The following CXADR variants were observed in gnomAD, a reference collection of about 807,000 sequenced individuals.
CXADR encodes the protein coxsackievirus and adenovirus receptor.
In CXADR, 20 loss-of-function variants were observed where a neutral mutation model predicts 40.3. That is an observed-to-expected ratio of 0.50 (90% CI 0.35 to 0.72). The LOEUF is 0.72. CXADR is among the 30% of genes least tolerant of loss of function. The probability of loss-of-function intolerance (pLI) is 0.01; values close to 1 mark genes in which losing one functional copy is unlikely to be tolerated. For missense variants in CXADR, 332 were observed against 449.1 expected, an observed-to-expected ratio of 0.74 and a Z score of 2.36; for synonymous variants, 150 against 161.3, an observed-to-expected ratio of 0.93 and a Z score of 0.53.
downstream of CXADR, chr21:17,594,164 A>T: frequency 6.2e-7 from 1 of 1,613,250 alleles, no homozygotes; most frequent in Non-Finnish European, 8.5e-7. Flanking sequence ...GGAGGTACCC[A>T]TGTCACTGGA....
At chr21:17,619,514 G>T in the CXADR span, among the ~76,000 whole-genome samples, 1 of 152,038 alleles carries the variant, frequency 6.6e-6, no homozygotes, top group Non-Finnish European at 1.5e-5. Flanking sequence ...GCTTGAGCCT[G>T]GGAGGCAGAG....
At chr21:17,614,448 T>G in the CXADR span, among the ~76,000 whole-genome samples, 2 of 152,172 alleles carry the variant, frequency 1.3e-5, no homozygotes, top group Admixed American at 6.5e-5. Flanking sequence ...AAAATGACTT[T>G]TAAAAAATTC....
At chr21:17,607,626 A>ATAGTGCTGTACTTGCAAGAGCC in the CXADR span, among the ~76,000 whole-genome samples, 176 of 152,376 alleles carry the variant, frequency 1.2e-3, no homozygotes, top group African/African-American at 4.0e-3. Flanking sequence ...GACTCCTTGA[A>ATAGTGCTGTACTTGCAAGAGCC]TAGTGCTGTA....
At chr21:17,560,577 C>T in intron 4 of CXADR, 125 bp from the exon 5 acceptor site, 1 of 847,466 alleles carries the variant, frequency 1.2e-6, no homozygotes, top group Middle Eastern at 3.9e-4. Flanking sequence ...AGTTTGCTTG[C>T]ATCCAGCCTT....
chr21:17,630,911 T>G, the CXADR span, among the ~76,000 whole-genome samples: 2 of 151,976 alleles, frequency 1.3e-5, no homozygotes, highest in Admixed American at 1.3e-4. Context: ...AGGAAGGAAG[T>G]GCAGAATTCG....
Position 17,568,103 on chromosome 21 carries a change from T to C in CXADR, c.*2411T>C. 1 of 911,582 alleles carries C rather than the reference T, an allele frequency of 1.1e-6. No individual in the cohort carries two copies. Among genetic ancestry groups the C allele is most frequent in the Non-Finnish European group, 1.3e-6 (1 of 765,310 alleles). The allele number at this position is 911,582 out of a possible 1,614,324, so 56.5% of individuals were successfully genotyped here. A position where few individuals can be genotyped will look rare whatever the true frequency, so the allele number is the denominator to read the frequency against. Reference sequence around the variant, plus strand: ...AAATTACTAAAGCATTTCCGTTAGATCAGTCAAGGACAGTACTGCATCTTT... The same window carrying C: ...AAATTACTAAAGCATTTCCGTTAGACCAGTCAAGGACAGTACTGCATCTTT... On this transcript the variant is annotated 3_prime_UTR_variant, in exon 7 of 7. Coordinates refer to ENST00000284878, the MANE Select transcript of CXADR (RefSeq NM_001338.5).
chr21:17,611,399 T>TA, the CXADR span, among the ~76,000 whole-genome samples: 6 of 152,068 alleles, frequency 3.9e-5, no homozygotes, highest in Admixed American at 2.0e-4. Flanking sequence ...CTGCTTCATA[T>TA]AAAAAAATAG....
At chr21:17,560,230 C>T (rs1025567666) in intron 4 of CXADR, among the ~76,000 whole-genome samples, 1 of 152,182 alleles carries the variant, frequency 6.6e-6, no homozygotes, top group African/African-American at 2.4e-5. Context: ...CCACTGCATC[C>T]TGGTCTTTAG....
At chr21:17,536,167 C>T (rs536310420) in intron 1 of CXADR, among the ~76,000 whole-genome samples, 1 of 152,170 alleles carries the variant, frequency 6.6e-6, no homozygotes, top group East Asian at 1.9e-4. Flanking sequence ...CAGCTCTTTT[C>T]GTCTATAGAA....
chr21:17,604,779 C>T, the CXADR span: 6 of 1,468,354 alleles, frequency 4.1e-6, no homozygotes, highest in Non-Finnish European at 5.5e-6. Context: ...TAAAGATACA[C>T]AGGCAGGCCG....
At chr21:17,615,946 T>A in the CXADR span, among the ~76,000 whole-genome samples, 1 of 152,186 alleles carries the variant, frequency 6.6e-6, no homozygotes, top group Non-Finnish European at 1.5e-5. Context: ...ACTCAAGAGT[T>A]CAGCATTAAA....
chr21:17,631,637 G>A, the CXADR span, among the ~76,000 whole-genome samples: 6 of 152,202 alleles, frequency 3.9e-5, no homozygotes, highest in Middle Eastern at 3.4e-3. Context: ...CCAAATATTC[G>A]TTCTCTTAGA....
chr21:17,565,519 A>G lies in CXADR; in HGVS notation c.925A>G (p.Asn309Asp). ...HSSLGSMSPS[N>D]MEGYSKTQYN... ...ATCCCTGGGGTCCATGTCTCCTTCC[A>G]ACATGGAAGGATATTCCAAGACTCA... is the stretch of plus-strand genomic sequence containing the variant. Residue 309 changes from asparagine (N) to aspartate (D), a missense_variant, in exon 7 of 7, where the codon AAC (asparagine) becomes GAC (aspartate). This residue lies in a region of CXADR where 150 missense variants were observed against 194.2 expected (regional missense o/e 0.77). Transcript: ENST00000284878. The G allele has an allele frequency of 6.2e-7, 1 of 1,613,924 alleles. No individual in the cohort carries two copies. Among genetic ancestry groups the G allele is most frequent in the African/African-American group, 1.3e-5 (1 of 75,030 alleles).
intron 1 of CXADR, among the ~76,000 whole-genome samples, chr21:17,526,025 G>A (rs1263381793): frequency 6.6e-6 from 1 of 152,196 alleles, no homozygotes; most frequent in Non-Finnish European, 1.5e-5. Context: ...GTATTCAAAT[G>A]AAAAATATTG....
intron 7 of CXADR, among the ~76,000 whole-genome samples, chr21:17,581,563 A>T (rs1193751420): frequency 6.6e-6 from 1 of 152,142 alleles, no homozygotes; most frequent in South Asian, 2.1e-4. Context: ...CATTTGTAGG[A>T]CCAGACACGG....
At chr21:17,542,865 G>A (rs980154850) in intron 1 of CXADR, among the ~76,000 whole-genome samples, 3 of 152,160 alleles carry the variant, frequency 2.0e-5, no homozygotes, top group Admixed American at 6.5e-5. Flanking sequence ...GCCCAGGGCC[G>A]CTGTCTGAGA....
At chr21:17,604,752 C>A in the CXADR span, 17 of 1,340,250 alleles carry the variant, frequency 1.3e-5, no homozygotes, top group Non-Finnish European at 1.5e-5. Flanking sequence ...GAGAGTTAAA[C>A]CACCAGCTCC....
intron 1 of CXADR, chr21:17,530,291 C>T: frequency 5.5e-6 from 2 of 361,082 alleles, no homozygotes; most frequent in Admixed American, 3.4e-5. Context: ...CCACTCTTTT[C>T]TGATTTCTAA....
rs199570178 is a variant in CXADR, at chr21:17,578,922, A to ATTGT, written c.1017+13314_1017+13317dup. ...TCAAATCATATCAGATGAAATGGTT[A>ATTGT]TTGTTTATCTTCTCTTTGCCTCCCC... On this transcript the variant is annotated intron_variant, in intron 7 of 7. Transcript: ENST00000400169. Among the ~76,000 whole-genome samples the ATTGT allele has an allele frequency of 1.9e-3, 288 of 152,298 alleles. 3 individuals are homozygous for ATTGT. The East Asian group carries it at 0.047, about 25-fold the overall frequency.
Sources: allele counts gnomAD v4.1 joint callset (sites outside exome capture counted in the v4.1 genomes callset), GRCh38; gene constraint gnomAD v4.1.1; regional missense constraint gnomAD v4.1.1; transcripts MANE v1.5; gene names NCBI Gene and HGNC (gene_info 2026-07-23, HGNC 2026-07-21).